The following PTPRN2 variants were observed in gnomAD, a reference collection of about 807,000 sequenced individuals.
The protein encoded by PTPRN2 is receptor-type tyrosine-protein phosphatase N2.
Under a neutral mutation model 118.8 loss-of-function variants are expected in PTPRN2, and 74 were observed. The observed-to-expected ratio is 0.62, with a 90% CI of 0.52 to 0.76. PTPRN2 has a LOEUF of 0.76. PTPRN2 is among the 30% of genes least tolerant of loss of function. The pLI, the probability that PTPRN2 is intolerant of heterozygous loss-of-function variation, is 0.00. For synonymous variants in PTPRN2, 641 were observed against 608.0 expected, an observed-to-expected ratio of 1.05 and a Z score of -0.80; for missense variants, 1,481 against 1,394.4, an observed-to-expected ratio of 1.06 and a Z score of -0.99.
chr7:158,441,276 GTGA>G (rs1351273954), intron 2 of PTPRN2, among the ~76,000 whole-genome samples: 2 of 106,980 alleles, frequency 1.9e-5, no homozygotes, highest in Non-Finnish European at 4.6e-5. Context: ...GATAGTGATG[GTGA>G]TGGTGGTGGT....
intron 2 of PTPRN2, among the ~76,000 whole-genome samples, chr7:158,385,909 T>A (rs534431434): frequency 6.0e-5 from 8 of 132,776 alleles, no homozygotes; most frequent in African/African-American, 2.2e-4. Context: ...TCCGTGCTCC[T>A]CCTCCCTCCT....
chr7:158,290,974 T>C (rs1800085683), intron 3 of PTPRN2, among the ~76,000 whole-genome samples: 1 of 152,200 alleles, frequency 6.6e-6, no homozygotes, highest in African/African-American at 2.4e-5. Context: ...TCTGATTCTT[T>C]AAGAAGTCAG....
chr7:158,165,835 C>T (rs932031455), intron 6 of PTPRN2, among the ~76,000 whole-genome samples: 1 of 152,208 alleles, frequency 6.6e-6, no homozygotes, highest in Non-Finnish European at 1.5e-5. Context: ...CTCCCCTGGG[C>T]CCGCCCTGAC....
chr7:157,685,367 C>G (rs1051384011), intron 12 of PTPRN2, among the ~76,000 whole-genome samples: 1 of 151,752 alleles, frequency 6.6e-6, no homozygotes, highest in African/African-American at 2.4e-5. Flanking sequence ...CACACGCGCG[C>G]GGTGACCACC....
At chr7:157,689,887 C>T (rs1194627989) in intron 12 of PTPRN2, among the ~76,000 whole-genome samples, 1 of 152,220 alleles carries the variant, frequency 6.6e-6, no homozygotes, top group Non-Finnish European at 1.5e-5. Flanking sequence ...GGCTCGGAGG[C>T]GCGCTCCCGG....
At chr7:158,467,956 C>T (rs925897201) in intron 2 of PTPRN2, among the ~76,000 whole-genome samples, 6 of 152,190 alleles carry the variant, frequency 3.9e-5, no homozygotes, top group African/African-American at 1.2e-4. Context: ...TTACCCTGTG[C>T]TACTTTACAG....
intron 22 of PTPRN2, 48 bp from the exon 23 acceptor site, chr7:157,540,833 C>G: frequency 1.4e-6 from 2 of 1,454,566 alleles, no homozygotes. Context: ...GGCGTCCCCC[C>G]GACTCCTGCC....
At chr7:158,451,838 T>A (rs937757611) in intron 2 of PTPRN2, among the ~76,000 whole-genome samples, 1 of 152,232 alleles carries the variant, frequency 6.6e-6, no homozygotes, top group East Asian at 1.9e-4. Context: ...CTTAAAAAAA[T>A]TAATTCCATC....
At chr7:158,302,845 G>A (rs141762165) in intron 3 of PTPRN2, among the ~76,000 whole-genome samples, 4 of 152,250 alleles carry the variant, frequency 2.6e-5, no homozygotes, top group African/African-American at 9.6e-5. Flanking sequence ...CCTTTCTCAC[G>A]TGTACTCTTT....
chr7:158,072,352 T>C (rs1230551787), intron 11 of PTPRN2, among the ~76,000 whole-genome samples: 1 of 152,102 alleles, frequency 6.6e-6, no homozygotes, highest in African/African-American at 2.4e-5. Context: ...TGAATCATCA[T>C]GTAAATTTTC....
chr7:158,362,479 G>T (rs1364280951), intron 2 of PTPRN2, among the ~76,000 whole-genome samples: 2 of 152,230 alleles, frequency 1.3e-5, no homozygotes, highest in Non-Finnish European at 2.9e-5. Flanking sequence ...CCTCAGAAAG[G>T]CAAAGGACTT....
chr7:157,608,150 C>T (rs1424700483), intron 15 of PTPRN2, among the ~76,000 whole-genome samples: 2 of 152,174 alleles, frequency 1.3e-5, no homozygotes, highest in African/African-American at 2.4e-5. Flanking sequence ...TCACTGCAAC[C>T]TCCACCTCTC....
Position 157,780,345 on chromosome 7 carries a change from G to A in PTPRN2, c.1789-97408C>T, listed in dbSNP as rs77415582. 0.022 allele frequency among the ~76,000 whole-genome samples: 3,274 copies of A among 152,252 alleles called. 120 individuals are homozygous for A. The highest frequency in any genetic ancestry group is 0.074 in the African/African-American group (3,080 of 41,532). On this transcript the variant is annotated intron_variant, in intron 12 of 22. Coordinates refer to ENST00000389418, the MANE Select transcript of PTPRN2 (RefSeq NM_002847.5). The surrounding 1 kb of genome is among the most constrained non-coding windows in gnomAD (Gnocchi z 4.5). ...CTCTGAAGGTGAAGCTTTAGGTGACGTCGAAGCATCCAGCCATATCTGTCA... is the reference window on the plus strand; with the variant it reads ...CTCTGAAGGTGAAGCTTTAGGTGACATCGAAGCATCCAGCCATATCTGTCA...
At chr7:158,381,999 G>C (rs1185256833) in intron 2 of PTPRN2, among the ~76,000 whole-genome samples, 1 of 152,144 alleles carries the variant, frequency 6.6e-6, no homozygotes, top group Non-Finnish European at 1.5e-5. Context: ...TGGGAATTGT[G>C]GGAGCTACAA....
chr7:157,564,499 G>T (rs776447662), intron 21 of PTPRN2, among the ~76,000 whole-genome samples: 10 of 152,232 alleles, frequency 6.6e-5, no homozygotes, highest in Non-Finnish European at 1.5e-4. Flanking sequence ...AAAAAACCCC[G>T]ATGTAATGGG....
chr7:158,263,410 A>G (rs73522335), intron 3 of PTPRN2, among the ~76,000 whole-genome samples: 1 of 145,190 alleles, frequency 6.9e-6, no homozygotes, highest in Non-Finnish European at 1.5e-5. Flanking sequence ...TTCATCCACA[A>G]TGCACAAACA....
At position 157,549,139 on chromosome 7, in the gene PTPRN2, C is replaced by T. The variant is rs904427939; in HGVS notation, c.2903-120G>A. Reference sequence around the variant, plus strand: ...GAGGCCAATTGAAAATTATTACGCTCATCCCTCAGCCGGCTGGCAGGCGGC... The same window carrying T: ...GAGGCCAATTGAAAATTATTACGCTTATCCCTCAGCCGGCTGGCAGGCGGC... On this transcript the variant is annotated intron_variant, in intron 21 of 22. Coordinates refer to ENST00000389418, the MANE Select transcript of PTPRN2 (RefSeq NM_002847.5). The T allele has an allele frequency of 6.3e-6, 6 of 955,438 alleles. No individual in the cohort carries two copies. In the African/African-American group the frequency reaches 6.4e-5, roughly 10 times the overall value. 59.2% of individuals were successfully genotyped at this position (955,438 alleles called of 1,614,324 possible).
intron 10 of PTPRN2, among the ~76,000 whole-genome samples, chr7:158,106,930 G>T (rs1353460300): frequency 2.6e-5 from 4 of 152,148 alleles, no homozygotes; most frequent in Admixed American, 2.0e-4. Context: ...AAGCATCTCA[G>T]CTCTTTCAGG....
At chr7:157,980,037 A>C (rs763724324) in intron 11 of PTPRN2, among the ~76,000 whole-genome samples, 21 of 152,224 alleles carry the variant, frequency 1.4e-4, no homozygotes, top group Non-Finnish European at 4.4e-5. Context: ...TCATAAAGAT[A>C]ATCACTGAGG....
Sources: allele counts gnomAD v4.1 joint callset (sites outside exome capture counted in the v4.1 genomes callset), GRCh38; gene constraint gnomAD v4.1.1; non-coding constraint Gnocchi (gnomAD v3.1); transcripts MANE v1.5; gene names NCBI Gene and HGNC (gene_info 2026-07-23, HGNC 2026-07-21).